The following INVS variants were observed in gnomAD, a reference collection of about 807,000 sequenced individuals.
The protein encoded by INVS is inversin.
Under a neutral mutation model 108.8 loss-of-function variants are expected in INVS, and 86 were observed. The ratio of observed to expected loss-of-function variants is 0.79; its 90% CI spans 0.66 to 0.95. The LOEUF (loss-of-function observed/expected upper bound fraction) is 0.95, where lower values mean the gene tolerates loss of function less well. Among genes scored for constraint, INVS ranks in the 40% least tolerant of loss-of-function variants. The pLI, the probability that INVS is intolerant of heterozygous loss-of-function variation, is 0.00. For missense variants in INVS, 1,169 were observed against 1,297.4 expected (o/e 0.90, Z 1.52); for synonymous variants, 455 against 473.5 (o/e 0.96, Z 0.51).
chr9:100,234,814 G>A (rs1358793755), intron 5 of INVS, among the ~76,000 whole-genome samples: 1 of 152,162 alleles, frequency 6.6e-6, no homozygotes, highest in African/African-American at 2.4e-5. Flanking sequence ...TAAGTTCTAT[G>A]TGGTACTGAG....
chr9:100,146,811 T>C (rs1828633321), intron 3 of INVS, among the ~76,000 whole-genome samples: 1 of 152,216 alleles, frequency 6.6e-6, no homozygotes, highest in African/African-American at 2.4e-5. Context: ...TAATATTTTC[T>C]GTTGTGTGTA....
At chr9:100,166,718 C>T (rs372333062) in intron 3 of INVS, among the ~76,000 whole-genome samples, 14 of 152,246 alleles carry the variant, frequency 9.2e-5, no homozygotes, top group Middle Eastern at 6.8e-3. Context: ...TAGATTTATC[C>T]AGAATGCAAC....
chr9:100,167,821 C>T (rs1829415093), intron 3 of INVS, among the ~76,000 whole-genome samples: 1 of 152,082 alleles, frequency 6.6e-6, no homozygotes, highest in African/African-American at 2.4e-5. Context: ...TTTAATAATT[C>T]TCCCAGGTGA....
At chr9:100,158,154 T>G (rs542696388) in intron 3 of INVS, among the ~76,000 whole-genome samples, 37 of 152,332 alleles carry the variant, frequency 2.4e-4, no homozygotes, top group African/African-American at 8.4e-4. Flanking sequence ...TTCCTCTTAG[T>G]AGATCTATCT....
intron 14 of INVS, among the ~76,000 whole-genome samples, chr9:100,294,055 C>G (rs889386085): frequency 6.6e-6 from 1 of 152,156 alleles, no homozygotes; most frequent in African/African-American, 2.4e-5. Flanking sequence ...GTAGTCCTAG[C>G]TATTTGTGAG....
chr9:100,244,831 C>T (rs907964917), intron 7 of INVS, among the ~76,000 whole-genome samples: 29 of 152,106 alleles, frequency 1.9e-4, no homozygotes, highest in African/African-American at 6.7e-4. Context: ...TAAAAGAAAA[C>T]AAAGCAAAAA....
intron 3 of INVS, among the ~76,000 whole-genome samples, chr9:100,167,024 A>C (rs1829384255): frequency 6.6e-6 from 1 of 152,120 alleles, no homozygotes; most frequent in South Asian, 2.1e-4. Context: ...TGAGGTTAGG[A>C]GTTCAAGACC....
intron 3 of INVS, 58 bp from the exon 4 acceptor site, chr9:100,226,002 TAA>T: frequency 8.0e-7 from 1 of 1,250,456 alleles, no homozygotes; most frequent in Non-Finnish European, 1.1e-6. Context: ...ATTTTAAAAT[TAA>T]AAAAAATTTT....
At chr9:100,220,974 C>CAA (rs59090085) in intron 3 of INVS, among the ~76,000 whole-genome samples, 44,804 of 140,652 alleles carry the variant, frequency 0.32, 7,777 homozygotes, top group Non-Finnish European at 0.42. Flanking sequence ...GACTCTGTCC[C>CAA]AAAAAAAAAA....
intron 1 of INVS, among the ~76,000 whole-genome samples, chr9:100,103,185 G>C (rs1384837400): frequency 6.6e-6 from 1 of 150,606 alleles, no homozygotes; most frequent in Non-Finnish European, 1.5e-5. Context: ...TCTGAGTCAG[G>C]GTCTCAACCT....
intron 3 of INVS, among the ~76,000 whole-genome samples, chr9:100,151,324 T>A (rs961617421): frequency 1.3e-5 from 2 of 151,788 alleles, no homozygotes; most frequent in Non-Finnish European, 2.9e-5. Flanking sequence ...AAAAAATTTT[T>A]AAAAATTCGC....
intron 3 of INVS, among the ~76,000 whole-genome samples, chr9:100,158,239 T>C (rs1829064872): frequency 1.3e-5 from 2 of 152,350 alleles, no homozygotes; most frequent in South Asian, 4.1e-4. Flanking sequence ...ATTATCTCTT[T>C]TCTGTAGCAT....
chr9:100,217,274 A>G (rs142761013), intron 3 of INVS, among the ~76,000 whole-genome samples: 2,186 of 152,166 alleles, frequency 0.014, 42 homozygotes, highest in African/African-American at 0.05. Context: ...GCGCCACTGC[A>G]CTCCAGCCTG....
intron 13 of INVS, 104 bp downstream of exon 13, chr9:100,284,707 C>A: frequency 8.6e-7 from 1 of 1,160,152 alleles, no homozygotes; most frequent in South Asian, 1.3e-5. Context: ...TATATTAGCA[C>A]CTAGGACCGC....
chr9:100,249,572 G>A (rs1452900435), intron 8 of INVS, among the ~76,000 whole-genome samples: 1 of 151,860 alleles, frequency 6.6e-6, no homozygotes, highest in African/African-American at 2.4e-5. Context: ...TCAGCTCACT[G>A]CAACCTCCAC....
At chr9:100,196,681 A>T (rs1830384637) in intron 3 of INVS, among the ~76,000 whole-genome samples, 1 of 148,092 alleles carries the variant, frequency 6.8e-6, no homozygotes, top group South Asian at 2.1e-4. Context: ...TATTATGATA[A>T]AATTATTATA....
chr9:100,126,905 A>C (rs1024654576), intron 3 of INVS, among the ~76,000 whole-genome samples: 12 of 152,226 alleles, frequency 7.9e-5, no homozygotes, highest in Admixed American at 1.3e-4. Flanking sequence ...GGTTGGGTTT[A>C]AATTTGGGGA....
intron 3 of INVS, among the ~76,000 whole-genome samples, chr9:100,212,071 T>A (rs1830847638): frequency 6.6e-6 from 1 of 152,236 alleles, no homozygotes; most frequent in East Asian, 1.9e-4. Context: ...TGTAGCTCAG[T>A]GAATTTATGT....
At chr9:100,153,031 G>GTGTGTGTA (rs1491043538) in intron 3 of INVS, among the ~76,000 whole-genome samples, 1 of 150,076 alleles carries the variant, frequency 6.7e-6, no homozygotes, top group Non-Finnish European at 1.5e-5. Flanking sequence ...GTGTGTGTGT[G>GTGTGTGTA]TACAGGTGCA....
Sources: gnomAD v4.1 joint callset for allele counts (sites outside exome capture counted in the v4.1 genomes callset) on GRCh38, gnomAD v4.1.1 for gene constraint, MANE v1.5 for transcripts, NCBI Gene and HGNC (gene_info 2026-07-23, HGNC 2026-07-21) for gene names.